ARHGAP26: variants seen among roughly 807,000 people sequenced by gnomAD.
ARHGAP26 encodes rho GTPase-activating protein 26.
A neutral mutation model predicts 104.8 loss-of-function variants in ARHGAP26; 38 were observed. The ratio of observed to expected loss-of-function variants is 0.36; its 90% CI spans 0.28 to 0.48. ARHGAP26 has a LOEUF of 0.48. ARHGAP26 is among the 20% of genes least tolerant of loss of function. ARHGAP26 has a pLI of 0.99. For synonymous variants in ARHGAP26, 341 were observed against 340.0 expected, an observed-to-expected ratio of 1.00 and a Z score of -0.03; for missense variants, 704 against 947.9, an observed-to-expected ratio of 0.74 and a Z score of 3.38.
At chr5:143,051,470 T>G (rs1228467798) in intron 14 of ARHGAP26, among the ~76,000 whole-genome samples, 1 of 152,190 alleles carries the variant, frequency 6.6e-6, no homozygotes, top group East Asian at 1.9e-4. Context: ...TGGAGAGAAG[T>G]GTACTGAGTT....
chr5:142,904,473 G>A (rs1760814077), intron 8 of ARHGAP26, among the ~76,000 whole-genome samples: 1 of 150,488 alleles, frequency 6.6e-6, no homozygotes, highest in South Asian at 2.1e-4. Flanking sequence ...AGCTGAGATT[G>A]CCACCACTGT....
Position 143,145,727 on chromosome 5 carries a change from T to C in ARHGAP26, c.1838-1504T>C, listed in dbSNP as rs185031110. Among the ~76,000 whole-genome samples, 6 of 152,366 alleles carry C rather than the reference T, an allele frequency of 3.9e-5. No homozygotes were observed. In the East Asian group the frequency reaches 1.2e-3, roughly 29 times the overall value. Reference sequence around the variant, plus strand: ...TTAAATCTCAGGCATCAATTCAATCTACTTTTTCCAAATCTACTTTGAGTA... The same window carrying C: ...TTAAATCTCAGGCATCAATTCAATCCACTTTTTCCAAATCTACTTTGAGTA... On this transcript the variant is annotated intron_variant, in intron 19 of 22. Coordinates refer to ENST00000645722, the MANE Select transcript of ARHGAP26 (RefSeq NM_001135608.3).
intron 18 of ARHGAP26, among the ~76,000 whole-genome samples, chr5:143,124,426 A>C (rs532243346): frequency 4.6e-5 from 7 of 152,212 alleles, no homozygotes; most frequent in Non-Finnish European, 1.0e-4. Context: ...CAATTCTGTG[A>C]GTCAGAAATT....
At chr5:142,978,456 G>A (rs1254601533) in intron 11 of ARHGAP26, among the ~76,000 whole-genome samples, 1 of 152,168 alleles carries the variant, frequency 6.6e-6, no homozygotes. Context: ...TAACCAATCT[G>A]AAACTGGAAA....
rs547660389 is a variant in ARHGAP26 at position 143,212,740 on chromosome 5, C to T, written c.2100-1257C>T. ...ATGGAGACCATGTGGCTCACAAAGC[C>T]TGAAATATTTACCACCCGGCCCTTT... On this transcript the variant is annotated intron_variant, in intron 21 of 22. Transcript: ENST00000645722. Among the ~76,000 whole-genome samples the T allele has an allele frequency of 3.0e-4, 46 of 152,358 alleles. No homozygotes were observed. The South Asian group carries it at 8.7e-3, about 29-fold the overall frequency.
At chr5:143,118,002 T>TA (rs2150765667) in intron 17 of ARHGAP26, among the ~76,000 whole-genome samples, 1 of 152,300 alleles carries the variant, frequency 6.6e-6, no homozygotes, top group South Asian at 2.1e-4. Flanking sequence ...CAGGCCTTGG[T>TA]AGGGATGACA....
chr5:143,121,848 G>A (rs1190576805), intron 18 of ARHGAP26, among the ~76,000 whole-genome samples: 1 of 152,168 alleles, frequency 6.6e-6, no homozygotes, highest in African/African-American at 2.4e-5. Flanking sequence ...TCCATATGAA[G>A]CTTCTCAGAA....
In ARHGAP26 at chr5:143,166,883, G is replaced by A. The variant is rs74986361; in HGVS notation, c.1988+19502G>A. ...TGGCTTTCTGCCATCCAGTATTTTG[G>A]GAGTAACAGTCATACCACAAAAGGT... On this transcript the variant is annotated intron_variant, in intron 20 of 22. Coordinates refer to ENST00000645722, the MANE Select transcript of ARHGAP26 (RefSeq NM_001135608.3). Among the ~76,000 whole-genome samples, 528 of 152,258 alleles carry A rather than the reference G, an allele frequency of 3.5e-3. 1 individual carries two copies. Among genetic ancestry groups the A allele is most frequent in the Non-Finnish European group, 6.6e-3 (452 of 68,024 alleles).
intron 11 of ARHGAP26, among the ~76,000 whole-genome samples, chr5:142,963,175 T>C (rs1402142619): frequency 1.1e-5 from 1 of 92,820 alleles, no homozygotes; most frequent in Admixed American, 9.8e-5. Context: ...TATATATGTA[T>C]ATATATATAT....
intron 18 of ARHGAP26, among the ~76,000 whole-genome samples, chr5:143,125,378 C>A (rs187774338): frequency 6.6e-6 from 1 of 152,328 alleles, no homozygotes; most frequent in African/African-American, 2.4e-5. Flanking sequence ...CCTCTCCCCC[C>A]AACCCAGAGA....
chr5:142,957,029 A>T (rs1562152523), intron 11 of ARHGAP26, among the ~76,000 whole-genome samples: 1 of 152,230 alleles, frequency 6.6e-6, no homozygotes, highest in Non-Finnish European at 1.5e-5. Flanking sequence ...GCCAAACCAT[A>T]TCAAGACCTC....
chr5:142,861,822 G>A (rs1024127690), intron 1 of ARHGAP26, among the ~76,000 whole-genome samples: 8 of 152,142 alleles, frequency 5.3e-5, no homozygotes, highest in African/African-American at 1.9e-4. Context: ...CCTTGTAAAT[G>A]GGTGAGATGG....
intron 17 of ARHGAP26, among the ~76,000 whole-genome samples, chr5:143,061,737 G>A (rs1314405837): frequency 6.6e-6 from 1 of 152,204 alleles, no homozygotes; most frequent in African/African-American, 2.4e-5. Flanking sequence ...AGCTCATGAA[G>A]GACTCAGGTT....
At chr5:143,015,799 T>A (rs1050366182) in intron 12 of ARHGAP26, among the ~76,000 whole-genome samples, 4 of 152,256 alleles carry the variant, frequency 2.6e-5, no homozygotes, top group African/African-American at 9.6e-5. Context: ...TGTGACCTTA[T>A]GAACCTACAT....
intron 11 of ARHGAP26, among the ~76,000 whole-genome samples, chr5:142,992,577 G>A (rs548610918): frequency 6.6e-6 from 1 of 151,718 alleles, no homozygotes; most frequent in South Asian, 2.1e-4. Flanking sequence ...ACAGGTACCC[G>A]CCACCATGCC....
At chr5:142,786,051 C>A (rs1758549183) in intron 1 of ARHGAP26, among the ~76,000 whole-genome samples, 1 of 151,870 alleles carries the variant, frequency 6.6e-6, no homozygotes, top group African/African-American at 2.4e-5. Context: ...GCTCACTGTA[C>A]CCTCAGACTT....
intron 22 of ARHGAP26, among the ~76,000 whole-genome samples, chr5:143,218,290 TCCTTTTA>T (rs1286013811): frequency 2.0e-5 from 3 of 152,226 alleles, no homozygotes; most frequent in Non-Finnish European, 2.9e-5. Flanking sequence ...TCTTTCTCTC[TCCTTTTA>T]CCACTACCTA....
chr5:143,187,630 T>C (rs548345703), intron 20 of ARHGAP26, among the ~76,000 whole-genome samples: 1 of 152,360 alleles, frequency 6.6e-6, no homozygotes, highest in African/African-American at 2.4e-5. Context: ...AAAGCCCAGT[T>C]TCCCGACGTC....
rs142851962 is a variant in ARHGAP26, at chr5:142,958,143, T to C, written c.1107+26018T>C. Among the ~76,000 whole-genome samples the C allele has an allele frequency of 6.2e-3, 942 of 152,350 alleles. 10 individuals are homozygous for C. Among genetic ancestry groups the C allele is most frequent in the African/African-American group, 0.022 (902 of 41,582 alleles). On this transcript the variant is annotated intron_variant, in intron 11 of 22. Transcript: ENST00000645722. ...TTTTTTGGGCTTTAAGTCATGTGTT[T>C]AGATAAACCATTTCCCTTCCCCCCA...
Sources: gnomAD v4.1 joint callset for allele counts (sites outside exome capture counted in the v4.1 genomes callset) on GRCh38, gnomAD v4.1.1 for gene constraint, MANE v1.5 for transcripts, NCBI Gene and HGNC (gene_info 2026-07-23, HGNC 2026-07-21) for gene names.